COL21A1: variants seen among roughly 807,000 people sequenced by gnomAD.
The protein encoded by COL21A1 is collagen type XXI alpha 1 chain, also known as collagen alpha-1(XXI) chain.
A neutral mutation model predicts 137.9 loss-of-function variants in COL21A1; 149 were observed. The observed-to-expected ratio is 1.08, with a 90% confidence interval of 0.95 to 1.24. The LOEUF (loss-of-function observed/expected upper bound fraction) is 1.24, where lower values mean the gene tolerates loss of function less well. Ranked by LOEUF, COL21A1 falls within the 50% of genes most tolerant of loss-of-function variation. The pLI is 0.00. For missense variants in COL21A1, 1,167 were observed against 1,158.4 expected (o/e 1.01, Z -0.11); for synonymous variants, 456 against 391.5 (o/e 1.16, Z -1.95).
At chr6:56,173,355 G>A (rs888799079) in intron 3 of COL21A1, among the ~76,000 whole-genome samples, 1 of 151,360 alleles carries the variant, frequency 6.6e-6, no homozygotes, top group Non-Finnish European at 1.5e-5. Flanking sequence ...TCCAGCCTGC[G>A]CAACAGAATG....
chr6:56,198,893 C>T (rs1478340268), intron 1 of COL21A1, among the ~76,000 whole-genome samples: 2 of 151,912 alleles, frequency 1.3e-5, no homozygotes, highest in South Asian at 4.1e-4. Context: ...TAATGGTTTC[C>T]CTCAAGAATG....
chr6:56,336,195 A>G (rs1765327800), intron 1 of COL21A1, among the ~76,000 whole-genome samples: 1 of 152,130 alleles, frequency 6.6e-6, no homozygotes, highest in Admixed American at 6.6e-5. Context: ...CACTGACCAA[A>G]TCAAGACCTC....
intron 17 of COL21A1, among the ~76,000 whole-genome samples, chr6:56,079,335 G>C (rs1767537184): frequency 6.6e-6 from 1 of 151,708 alleles, no homozygotes; most frequent in South Asian, 2.1e-4. Flanking sequence ...TGTCAGACCT[G>C]AGAAGCTGAA....
At chr6:56,374,684 T>C (rs934169353) in intron 1 of COL21A1, among the ~76,000 whole-genome samples, 1 of 134,744 alleles carries the variant, frequency 7.4e-6, no homozygotes, top group Non-Finnish European at 1.5e-5. Context: ...ATCGCATCAC[T>C]GCACTCCAGC....
chr6:56,070,940 C>T (rs1766690883), intron 20 of COL21A1, 142 bp from the exon 21 acceptor site: 2 of 644,598 alleles, frequency 3.1e-6, no homozygotes. Flanking sequence ...GTACATTAGA[C>T]CTATGTATTA....
intron 1 of COL21A1, among the ~76,000 whole-genome samples, chr6:56,359,421 G>A (rs1765915452): frequency 6.6e-6 from 1 of 152,114 alleles, no homozygotes; most frequent in Non-Finnish European, 1.5e-5. Context: ...CCACCAGAGG[G>A]CACCAAAGCA....
rs748606047 is a variant in COL21A1, at chr6:56,170,963, G to GAAAAGT, written c.805_806insACTTTT (p.Thr269delinsAsnPheSer). 6.2e-7 allele frequency: 1 copy of GAAAAGT among 1,601,308 alleles called. No homozygotes were observed. The highest frequency in any genetic ancestry group is 1.1e-5 in the South Asian group (1 of 88,614). On this transcript the variant is annotated protein_altering_variant, in exon 4 of 30. Coordinates refer to ENST00000244728, the MANE Select transcript of COL21A1 (RefSeq NM_030820.4). ...TGTGTCAACATATAATGCATACCTTGTGAGTTCTGATAAATCAACTTTTGA... is the reference window on the plus strand; with the variant it reads ...TGTGTCAACATATAATGCATACCTTGAAAAGTTGAGTTCTGATAAATCAACTTTTGA...
At chr6:56,317,286 A>T (rs1002135900) in intron 1 of COL21A1, among the ~76,000 whole-genome samples, 2 of 152,172 alleles carry the variant, frequency 1.3e-5, no homozygotes, top group Admixed American at 1.3e-4. Flanking sequence ...CTCAAAAATG[A>T]TATACTGAGC....
chr6:56,372,814 T>C (rs2093991871), intron 1 of COL21A1, among the ~76,000 whole-genome samples: 1 of 152,198 alleles, frequency 6.6e-6, no homozygotes, highest in South Asian at 2.1e-4. Flanking sequence ...TGTAATGGTA[T>C]TGGTCATTCT....
At chr6:56,338,953 C>T (rs1461520809) in intron 1 of COL21A1, among the ~76,000 whole-genome samples, 1 of 152,170 alleles carries the variant, frequency 6.6e-6, no homozygotes. Flanking sequence ...CTTAGCAGAT[C>T]TCTTTTTGTA....
intron 1 of COL21A1, among the ~76,000 whole-genome samples, chr6:56,299,063 A>C (rs1360063020): frequency 6.6e-6 from 1 of 152,176 alleles, no homozygotes; most frequent in Admixed American, 6.6e-5. Flanking sequence ...GAGCAGGGAC[A>C]CAAACCTGGG....
At chr6:56,157,755 A>G (rs976979545) in intron 9 of COL21A1, among the ~76,000 whole-genome samples, 48 of 152,214 alleles carry the variant, frequency 3.2e-4, no homozygotes, top group Admixed American at 2.7e-3. Flanking sequence ...ATTTCTTTCA[A>G]TCCTGTAAGT....
intron 1 of COL21A1, among the ~76,000 whole-genome samples, chr6:56,390,300 G>T (rs2094026775): frequency 6.6e-6 from 1 of 152,050 alleles, no homozygotes; most frequent in Non-Finnish European, 1.5e-5. Context: ...TTATTTGCAA[G>T]CCTCATGATA....
intron 1 of COL21A1, among the ~76,000 whole-genome samples, chr6:56,377,537 C>T (rs921059480): frequency 4.6e-5 from 7 of 152,084 alleles, no homozygotes; most frequent in Non-Finnish European, 8.8e-5. Flanking sequence ...TTTAAACTAG[C>T]CCTAGCCAGA....
At chr6:56,223,085 G>A (rs184807629) in intron 1 of COL21A1, among the ~76,000 whole-genome samples, 157 of 150,984 alleles carry the variant, frequency 1.0e-3, no homozygotes, top group African/African-American at 3.7e-3. Flanking sequence ...TTTTATTGCT[G>A]TTACTCTACC....
chr6:56,253,130 C>T (rs1208797609), intron 1 of COL21A1, among the ~76,000 whole-genome samples: 1 of 152,192 alleles, frequency 6.6e-6, no homozygotes, highest in African/African-American at 2.4e-5. Flanking sequence ...TCTTTAAGTG[C>T]TGCACAGGTC....
intron 1 of COL21A1, among the ~76,000 whole-genome samples, chr6:56,300,810 G>T (rs1461319178): frequency 1.3e-5 from 2 of 152,088 alleles, no homozygotes; most frequent in East Asian, 3.9e-4. Flanking sequence ...TTGATTGCTT[G>T]GTTGATTGAC....
At chr6:56,153,491 C>T (rs1454376119) in intron 10 of COL21A1, among the ~76,000 whole-genome samples, 2 of 151,822 alleles carry the variant, frequency 1.3e-5, no homozygotes, top group Non-Finnish European at 2.9e-5. Flanking sequence ...TTTAAAAACC[C>T]TGACTTTAAA....
chr6:56,314,078 G>A (rs1764673538), intron 1 of COL21A1, among the ~76,000 whole-genome samples: 2 of 152,076 alleles, frequency 1.3e-5, no homozygotes, highest in East Asian at 3.9e-4. Flanking sequence ...TCCACCTCCT[G>A]GGTTCAAGTG....
Sources: allele counts gnomAD v4.1 joint callset (sites outside exome capture counted in the v4.1 genomes callset), GRCh38; gene constraint gnomAD v4.1.1; transcripts MANE v1.5; gene names NCBI Gene and HGNC (gene_info 2026-07-23, HGNC 2026-07-21).